NCEH1: variants seen among roughly 807,000 people sequenced by gnomAD.
The protein encoded by NCEH1 is 2-acetyl MAGE hydrolase.
NCEH1 carries 9 observed loss-of-function variants against 25.4 expected under a neutral mutation model. The observed-to-expected ratio is 0.35, with a 90% CI of 0.21 to 0.62. NCEH1 has a LOEUF of 0.62. NCEH1 is among the 20% of genes least tolerant of loss of function. NCEH1 has a pLI of 0.72. For synonymous variants in NCEH1, 200 were observed against 199.8 expected (o/e 1.00, Z -0.01); for missense variants, 412 against 501.1 (o/e 0.82, Z 1.70).
intron 1 of NCEH1, among the ~76,000 whole-genome samples, chr3:172,707,381 C>G (rs2108232165): frequency 6.6e-6 from 1 of 152,266 alleles, no homozygotes; most frequent in East Asian, 1.9e-4. Flanking sequence ...TATTTTATCC[C>G]CTTAGGGCCA....
At chr3:172,654,156 A>G (rs982282817) in intron 1 of NCEH1, among the ~76,000 whole-genome samples, 1 of 152,210 alleles carries the variant, frequency 6.6e-6, no homozygotes, top group Non-Finnish European at 1.5e-5. Context: ...TAAAGGAGGC[A>G]TGCGCAGCAC....
chr3:172,697,343 T>A (rs1470488203), intron 1 of NCEH1, among the ~76,000 whole-genome samples: 1 of 152,108 alleles, frequency 6.6e-6, no homozygotes. Context: ...AAATAAAACT[T>A]AAGCTTAACC....
rs776753074 is a variant in NCEH1, at chr3:172,633,808, C to G, written c.894G>C (p.Lys298Asn). The G allele has an allele frequency of 6.2e-7, 1 of 1,614,168 alleles. No homozygotes were observed. Residue 298 changes from lysine to asparagine, a missense_variant, in exon 5 of 5, where the codon AAG becomes AAC. This residue lies in a region of NCEH1 where 210 missense variants were observed against 258.2 expected (regional missense o/e 0.81). Coordinates refer to ENST00000475381, the MANE Select transcript of NCEH1 (RefSeq NM_020792.6). ...TGGTCTGTACAACAGGCTTGTAGTT[C>G]TTTGTGAAGGATGCAGGCAAGAGGG... ...WTSLLPASFT[K>N]NYKPVVQTTG...
chr3:172,696,964 C>T (rs73173356), intron 1 of NCEH1, among the ~76,000 whole-genome samples: 19,694 of 152,074 alleles, frequency 0.13, 1,416 homozygotes, highest in Non-Finnish European at 0.17. Context: ...CTCACTCTGT[C>T]GTCCAGGCTG....
At chr3:172,703,671 T>C (rs190658876) in intron 1 of NCEH1, among the ~76,000 whole-genome samples, 2 of 152,176 alleles carry the variant, frequency 1.3e-5, no homozygotes, top group Non-Finnish European at 1.5e-5. Flanking sequence ...TCAAATTGCA[T>C]GGTAGAAATA....
chr3:172,685,390 C>A (rs1162018338), intron 1 of NCEH1, among the ~76,000 whole-genome samples: 1 of 152,162 alleles, frequency 6.6e-6, no homozygotes, highest in Non-Finnish European at 1.5e-5. Flanking sequence ...CTTCATACAT[C>A]TTTCTTCAAT....
rs1334667781 is a variant in NCEH1, at chr3:172,633,959, A to G, written c.743T>C (p.Met248Thr). 2 of 1,614,248 alleles carry G rather than the reference A, an allele frequency of 1.2e-6. No homozygotes were observed. The highest frequency in any genetic ancestry group is 1.3e-5 in the African/African-American group (1 of 75,068). Residue 248 changes from methionine to threonine, a missense_variant, in exon 5 of 5, where the codon ATG becomes ACG. By Grantham distance (81) the Met-to-Thr change is moderately conservative (BLOSUM62 -1). Around this residue, in one of 3 missense-constraint regions of NCEH1, gnomAD observed 210 missense variants for 258.2 expected, o/e 0.81. Transcript: ENST00000475381. ...GAAGTAGTCCACCCAATACTTCACC[A>G]TGACATAGCGGGGCAGGATTGGGGT... ...VNTPILPRYVMVKYWVDYFKG... is the reference protein window; with the variant it reads ...VNTPILPRYVTVKYWVDYFKG...
chr3:172,703,119 A>G (rs1209540932), intron 1 of NCEH1: 1 of 152,280 alleles, frequency 6.6e-6, no homozygotes, highest in African/African-American at 2.4e-5. Context: ...AAAAGTAAAT[A>G]TATGGTGCTC....
chr3:172,644,571 T>C (rs948275742), intron 3 of NCEH1, among the ~76,000 whole-genome samples: 1 of 152,190 alleles, frequency 6.6e-6, no homozygotes, highest in Admixed American at 6.5e-5. Flanking sequence ...CCCTACCCCA[T>C]CTATGCGATG....
At chr3:172,685,305 C>A (rs930278900) in intron 1 of NCEH1, among the ~76,000 whole-genome samples, 4 of 152,282 alleles carry the variant, frequency 2.6e-5, no homozygotes, top group African/African-American at 9.6e-5. Flanking sequence ...CAAAAAAGAG[C>A]CCATCTTCAC....
chr3:172,689,571 G>C (rs1002665892), intron 1 of NCEH1, among the ~76,000 whole-genome samples: 3 of 147,526 alleles, frequency 2.0e-5, no homozygotes, highest in Non-Finnish European at 3.0e-5. Context: ...TTAGCCAGGC[G>C]TGATGGCACG....
chr3:172,642,470 C>T (rs1716896347), intron 3 of NCEH1, among the ~76,000 whole-genome samples: 1 of 151,824 alleles, frequency 6.6e-6, no homozygotes, highest in Non-Finnish European at 1.5e-5. Flanking sequence ...GCCACTACAC[C>T]AGGCCTGAAC....
chr3:172,643,607 G>A (rs1451950197), intron 3 of NCEH1, among the ~76,000 whole-genome samples: 3 of 152,160 alleles, frequency 2.0e-5, no homozygotes, highest in Non-Finnish European at 4.4e-5. Flanking sequence ...TTATTCTTCT[G>A]TGTCTTATGA....
intron 1 of NCEH1, among the ~76,000 whole-genome samples, chr3:172,699,754 A>C (rs1282750277): frequency 6.6e-6 from 1 of 152,104 alleles, no homozygotes; most frequent in Non-Finnish European, 1.5e-5. Context: ...GGTCCCAGCT[A>C]CTTGGGAGGC....
Position 172,634,074 on chromosome 3 carries a change from G to C in NCEH1, c.628C>G (p.Leu210Val), listed in dbSNP as rs1716498761. 1.2e-6 allele frequency: 2 copies of C among 1,613,266 alleles called. No individual in the cohort carries two copies. Among genetic ancestry groups the C allele is most frequent in the Middle Eastern group, 1.7e-4 (1 of 6,016 alleles). ...LGQQFTQDAS[L>V]KNKLKLQALI... ...GCTTGTAGTTTGAGCTTATTTTTTA[G>C]GCTGGCATCTTGAGTAAACTAGAGA... is the stretch of plus-strand genomic sequence containing the variant. Residue 210 changes from leucine to valine, a missense_variant, in exon 5 of 5, where the codon CTA becomes GTA. This residue lies in a region of NCEH1 where 210 missense variants were observed against 258.2 expected (regional missense o/e 0.81). Coordinates refer to ENST00000475381, the MANE Select transcript of NCEH1 (RefSeq NM_020792.6).
chr3:172,654,167 A>C (rs1717588100), intron 1 of NCEH1, among the ~76,000 whole-genome samples: 2 of 152,244 alleles, frequency 1.3e-5, no homozygotes, highest in Non-Finnish European at 2.9e-5. Context: ...TGCGCAGCAC[A>C]GAAGTCTGCA....
chr3:172,670,344 A>G (rs909320643), intron 1 of NCEH1, among the ~76,000 whole-genome samples: 1 of 152,238 alleles, frequency 6.6e-6, no homozygotes, highest in Non-Finnish European at 1.5e-5. Context: ...ATTGAAAACA[A>G]TGAAAGAAAA....
intron 1 of NCEH1, among the ~76,000 whole-genome samples, chr3:172,686,740 G>A (rs1041914062): frequency 2.0e-5 from 3 of 152,164 alleles, no homozygotes; most frequent in African/African-American, 7.2e-5. Flanking sequence ...GGTAGTACAT[G>A]CTAAACTTTC....
chr3:172,674,911 AGTTTTACTATCATTAC>A (rs1711868831), intron 1 of NCEH1, among the ~76,000 whole-genome samples: 1 of 152,220 alleles, frequency 6.6e-6, no homozygotes, highest in Non-Finnish European at 1.5e-5. Flanking sequence ...CAAACATAGA[AGTTTTACTATCATTAC>A]GTTTAATAGG....
Sources: gnomAD v4.1 joint callset for allele counts (sites outside exome capture counted in the v4.1 genomes callset) on GRCh38, gnomAD v4.1.1 for gene constraint, gnomAD v4.1.1 regional missense constraint, MANE v1.5 for transcripts, NCBI Gene and HGNC (gene_info 2026-07-23, HGNC 2026-07-21) for gene names.